PHACTR2: variants seen among roughly 807,000 people sequenced by gnomAD.
PHACTR2 encodes the protein phosphatase and actin regulator 2, also known as chromosome 6 open reading frame 56.
Under a neutral mutation model 76.0 loss-of-function variants are expected in PHACTR2, and 30 were observed. The ratio of observed to expected loss-of-function variants is 0.39; its 90% confidence interval spans 0.30 to 0.54. The LOEUF is 0.54. PHACTR2 is among the 20% of genes least tolerant of loss of function. PHACTR2 has a pLI of 0.61. For missense variants in PHACTR2, 696 were observed against 781.1 expected, an observed-to-expected ratio of 0.89 and a Z score of 1.30; for synonymous variants, 292 against 292.5, an observed-to-expected ratio of 1.00 and a Z score of 0.02.
chr6:143,726,457 A>G (rs373941528), intron 2 of PHACTR2, among the ~76,000 whole-genome samples: 1 of 152,168 alleles, frequency 6.6e-6, no homozygotes. Flanking sequence ...GTAACCCACC[A>G]TTCTACTTTC....
Position 143,764,088 on chromosome 6 carries a change from G to A in PHACTR2, c.695-1173G>A, listed in dbSNP as rs573231089. 6.6e-6 allele frequency among the ~76,000 whole-genome samples: 1 copy of A among 152,298 alleles called. No individual in the cohort carries two copies. The highest frequency in any genetic ancestry group is 1.5e-5 in the Non-Finnish European group (1 of 68,020). ...GTTTTGATTGAGGGTGCCCTATCCG[G>A]AAGTAGGCAAATATACCATAGCTAT... On this transcript the variant is annotated intron_variant, in intron 5 of 12. Coordinates refer to ENST00000440869, the MANE Select transcript of PHACTR2 (RefSeq NM_001100164.2). The surrounding 1 kb of genome is among the most constrained non-coding windows in gnomAD (Gnocchi z 4.7).
Position 143,765,560 on chromosome 6 carries a change from A to C in PHACTR2, c.994A>C (p.Lys332Gln), listed in dbSNP as rs370786466. The C allele has an allele frequency of 2.5e-6, 4 of 1,614,016 alleles. No homozygotes were observed. Among genetic ancestry groups the C allele is most frequent in the Non-Finnish European group, 2.5e-6 (3 of 1,179,988 alleles). Residue 332 changes from lysine (K) to glutamine (Q), a missense_variant, in exon 6 of 13, where the codon AAG becomes CAG. This residue lies in a region of PHACTR2 where 460 missense variants were observed against 450.9 expected (regional missense o/e 1.02). Coordinates refer to ENST00000440869, the MANE Select transcript of PHACTR2 (RefSeq NM_001100164.2). The surrounding 1 kb of genome is among the most constrained non-coding windows in gnomAD (Gnocchi z 4.1). ...TGAGGAGCAGAACACAGGCAAATTC[A>C]AGTCCATGGTCCCTCCACCCCCTGT... ...GAEEQNTGKF[K>Q]SMVPPPPVAP...
chr6:143,563,754 G>C (rs1320858797), intron 1 of PHACTR2, among the ~76,000 whole-genome samples: 2 of 151,858 alleles, frequency 1.3e-5, no homozygotes, highest in African/African-American at 4.8e-5. Context: ...CCAGCACTTT[G>C]GGAGGACAAG....
At chr6:143,560,880 GGGGTGT>G (rs1775259196) in intron 1 of PHACTR2, among the ~76,000 whole-genome samples, 1 of 126,360 alleles carries the variant, frequency 7.9e-6, no homozygotes, top group African/African-American at 3.2e-5. Context: ...GCAAAGCAGA[GGGGTGT>G]GTGTGTGTGT....
chr6:143,809,180 C>T lies in PHACTR2; in HGVS notation c.1922+2047C>T, dbSNP rs137908730. On this transcript the variant is annotated intron_variant, in intron 12 of 12. Coordinates refer to ENST00000440869, the MANE Select transcript of PHACTR2 (RefSeq NM_001100164.2). The surrounding 1 kb of genome is among the most constrained non-coding windows in gnomAD (Gnocchi z 4.2). ...ATAGCATGATATAAAGAACAAATTA[C>T]AGTCAAAAGGAATCAAATTTTAAAA... Among the ~76,000 whole-genome samples, 55 of 152,248 alleles carry T rather than the reference C, an allele frequency of 3.6e-4. 1 individual carries two copies. In the East Asian group the frequency reaches 9.6e-3, roughly 27 times the overall value.
At chr6:143,737,151 T>C (rs937514259) in intron 2 of PHACTR2, among the ~76,000 whole-genome samples, 5 of 151,602 alleles carry the variant, frequency 3.3e-5, no homozygotes, top group African/African-American at 1.2e-4. Flanking sequence ...ATTTATTTTA[T>C]ACCTTTCTGT....
At chr6:143,745,934 A>G (rs1779054779) in intron 2 of PHACTR2, among the ~76,000 whole-genome samples, 1 of 152,214 alleles carries the variant, frequency 6.6e-6, no homozygotes, top group African/African-American at 2.4e-5. Flanking sequence ...AAGAGGGGGA[A>G]TTTTTAGTTT....
Position 143,558,241 on chromosome 6 carries a change from A to G in PHACTR2, c.217+21034A>G, listed in dbSNP as rs1283053736. The G allele has an allele frequency of 6.6e-6, 1 of 152,176 alleles. No individual in the cohort carries two copies. Among genetic ancestry groups the G allele is most frequent in the Admixed American group, 6.5e-5 (1 of 15,274 alleles). 9.4% of individuals were successfully genotyped at this position (152,176 alleles called of 1,614,324 possible). On this transcript the variant is annotated intron_variant, in intron 1 of 11. Coordinates refer to the PHACTR2 transcript ENST00000367584. This position sits in a 1 kb window ranked among gnomAD's most constrained non-coding sequence, Gnocchi z 4.7. Reference sequence around the variant, plus strand: ...AAAAAAGTTATCCTGGATATATTTGATGATATTAAGGAATTAATGTTCCTT... The same window carrying G: ...AAAAAAGTTATCCTGGATATATTTGGTGATATTAAGGAATTAATGTTCCTT...
chr6:143,614,571 G>A (rs1041441244), intron 1 of PHACTR2, among the ~76,000 whole-genome samples: 7 of 151,980 alleles, frequency 4.6e-5, no homozygotes, highest in African/African-American at 1.7e-4. Context: ...AAACAATCAA[G>A]CATTCATACT....
chr6:143,584,828 G>A (rs985934195), intron 1 of PHACTR2, among the ~76,000 whole-genome samples: 1 of 151,980 alleles, frequency 6.6e-6, no homozygotes, highest in Non-Finnish European at 1.5e-5. Flanking sequence ...TCCTTCTTTG[G>A]GACCCAAGTA....
In PHACTR2 at chr6:143,689,950, A is replaced by G. The variant is rs1777603777; in HGVS notation, c.46+11741A>G. On this transcript the variant is annotated intron_variant, in intron 1 of 12. Transcript: ENST00000440869. The surrounding 1 kb of genome is among the most constrained non-coding windows in gnomAD (Gnocchi z 4.4). ...TGAACTCAGGTGATACACCCACCTC[A>G]GCTCCCAAAATGCTGGGATTACCCG... Among the ~76,000 whole-genome samples the G allele has an allele frequency of 1.3e-5, 2 of 152,140 alleles. No individual in the cohort carries two copies. The highest frequency in any genetic ancestry group is 1.3e-4 in the Admixed American group (2 of 15,266).
At chr6:143,629,734 G>A (rs1022454894) in intron 1 of PHACTR2, among the ~76,000 whole-genome samples, 16 of 152,082 alleles carry the variant, frequency 1.1e-4, no homozygotes, top group African/African-American at 3.4e-4. Context: ...AAGGAGATGC[G>A]TATTGAGAGG....
rs907969221 is a variant in PHACTR2, at chr6:143,539,977, G to A, written c.217+2770G>A. ...CCATTAGATGACGCTAATGAGTAGC[G>A]AAGTTTGAGAACTGCTGTCCTGTGC... On this transcript the variant is annotated intron_variant, in intron 1 of 11. Transcript: ENST00000367584. The surrounding 1 kb of genome is among the most constrained non-coding windows in gnomAD (Gnocchi z 4.3). 1.3e-5 allele frequency among the ~76,000 whole-genome samples: 2 copies of A among 152,188 alleles called. No individual in the cohort carries two copies. Among genetic ancestry groups the A allele is most frequent in the African/African-American group, 2.4e-5 (1 of 41,436 alleles).
intron 6 of PHACTR2, among the ~76,000 whole-genome samples, chr6:143,769,520 C>T (rs1192303597): frequency 1.3e-5 from 2 of 152,078 alleles, no homozygotes; most frequent in African/African-American, 4.8e-5. Flanking sequence ...GGATTCTAGA[C>T]AAGACTTGCT....
chr6:143,727,504 G>A (rs1270637718), intron 2 of PHACTR2, among the ~76,000 whole-genome samples: 2 of 152,036 alleles, frequency 1.3e-5, no homozygotes, highest in Non-Finnish European at 2.9e-5. Context: ...ATCATATGGT[G>A]GCTCTATTTT....
chr6:143,605,939 C>T (rs1775864533), upstream of PHACTR2, among the ~76,000 whole-genome samples: 1 of 152,082 alleles, frequency 6.6e-6, no homozygotes, highest in African/African-American at 2.4e-5. This position sits in a 1 kb window ranked among gnomAD's most constrained non-coding sequence, Gnocchi z 5.0. Flanking sequence ...AGCTAATTAA[C>T]ACATCCATCA....
At position 143,767,995 on chromosome 6, in the gene PHACTR2, G is replaced by T. The variant is rs7451135; in HGVS notation, c.1232+2197G>T. ...TGGAACTACGGGTGCCTGCCACCACGCCTGGCTAATTTTTGTATTTTTAGT... is the reference window on the plus strand; with the variant it reads ...TGGAACTACGGGTGCCTGCCACCACTCCTGGCTAATTTTTGTATTTTTAGT... On this transcript the variant is annotated intron_variant, in intron 6 of 12. Transcript: ENST00000440869. The surrounding 1 kb of genome is among the most constrained non-coding windows in gnomAD (Gnocchi z 4.4). 1.6e-3 allele frequency among the ~76,000 whole-genome samples: 241 copies of T among 152,086 alleles called. 2 individuals carry two copies. Among genetic ancestry groups the T allele is most frequent in the African/African-American group, 5.5e-3 (229 of 41,516 alleles).
rs1224419946 is a variant in PHACTR2, at chr6:143,688,076, A to C, written c.46+9867A>C. ...GATATGTAGAGAATTGTAGGACTAGATCAGGAGGCAAAACACATAATGGGG... is the reference window on the plus strand; with the variant it reads ...GATATGTAGAGAATTGTAGGACTAGCTCAGGAGGCAAAACACATAATGGGG... On this transcript the variant is annotated intron_variant, in intron 1 of 12. Coordinates refer to ENST00000440869, the MANE Select transcript of PHACTR2 (RefSeq NM_001100164.2). This position sits in a 1 kb window ranked among gnomAD's most constrained non-coding sequence, Gnocchi z 5.2. Among the ~76,000 whole-genome samples the C allele has an allele frequency of 1.3e-5, 2 of 152,160 alleles. No homozygotes were observed. Among genetic ancestry groups the C allele is most frequent in the Non-Finnish European group, 2.9e-5 (2 of 68,032 alleles).
intron 4 of PHACTR2, among the ~76,000 whole-genome samples, chr6:143,759,700 A>C (rs1225383569): frequency 6.6e-6 from 1 of 151,986 alleles, no homozygotes; most frequent in Non-Finnish European, 1.5e-5. Flanking sequence ...AAAGAAAAGA[A>C]AAGGAAGGAA....
Sources: allele counts gnomAD v4.1 joint callset (sites outside exome capture counted in the v4.1 genomes callset), GRCh38; gene constraint gnomAD v4.1.1; regional missense constraint gnomAD v4.1.1; non-coding constraint Gnocchi (gnomAD v3.1); transcripts MANE v1.5; gene names NCBI Gene and HGNC (gene_info 2026-07-23, HGNC 2026-07-21).